The following TBL1Y variants were observed in gnomAD, a reference collection of about 807,000 sequenced individuals.
TBL1Y encodes transducin beta like 1 Y-linked.
In TBL1Y, 15 loss-of-function variants were observed where a neutral mutation model predicts 12.0. The observed-to-expected ratio is 1.25, with a 90% CI of 0.83 to 1.92. The LOEUF is 1.92. Ranked by LOEUF, TBL1Y falls within the 40% of genes most tolerant of loss-of-function variation. The pLI is 0.00. For synonymous variants in TBL1Y, 53 were observed against 42.6 expected (o/e 1.24, Z -0.95); for missense variants, 148 against 116.7 (o/e 1.27, Z -1.24).
chrY:7,050,221 C>T, intron 7 of TBL1Y, among the ~76,000 whole-genome samples: 1 of 32,708 alleles, frequency 3.1e-5, no homozygotes, highest in Non-Finnish European at 7.5e-5. Flanking sequence ...AATAGGCCAG[C>T]GTGGTGGCTC....
intron 8 of TBL1Y, among the ~76,000 whole-genome samples, chrY:7,067,182 A>G (rs2012992075): frequency 6.0e-5 from 2 of 33,299 alleles, no homozygotes; most frequent in East Asian, 1.6e-3. Flanking sequence ...GAATTCTGAT[A>G]TGGAACAGGA....
chrY:6,960,700 T>A, intron 2 of TBL1Y, among the ~76,000 whole-genome samples: 1 of 33,266 alleles, frequency 3.0e-5, no homozygotes, highest in African/African-American at 1.2e-4. Flanking sequence ...AGTTCCAAAT[T>A]TATTGTTTTG....
At chrY:7,078,217 G>A (rs1005328071) in intron 13 of TBL1Y, among the ~76,000 whole-genome samples, 2 of 33,966 alleles carry the variant, frequency 5.9e-5, no homozygotes, top group Admixed American at 2.7e-4. Context: ...TTCTGTATTG[G>A]TCAGTTGTTG....
intron 7 of TBL1Y, among the ~76,000 whole-genome samples, chrY:7,048,272 C>T (rs2012773107): frequency 6.0e-5 from 2 of 33,151 alleles, no homozygotes; most frequent in Non-Finnish European, 1.5e-4. Flanking sequence ...TGTATCTAAA[C>T]GTCAAATAAT....
At chrY:6,921,617 C>T (rs764103664) in intron 2 of TBL1Y, among the ~76,000 whole-genome samples, 11 of 33,382 alleles carry the variant, frequency 3.3e-4, no homozygotes, top group Non-Finnish European at 6.6e-4. Flanking sequence ...TTCAGGAACA[C>T]CTGCTTAGGC....
intron 2 of TBL1Y, among the ~76,000 whole-genome samples, chrY:6,963,646 G>A (rs748856461): frequency 1.5e-4 from 5 of 33,888 alleles, no homozygotes; most frequent in African/African-American, 5.7e-4. Flanking sequence ...ATGTACCCTT[G>A]TAGGAATCTT....
At chrY:7,013,280 T>C in intron 4 of TBL1Y, among the ~76,000 whole-genome samples, 2 of 33,579 alleles carry the variant, frequency 6.0e-5, no homozygotes, top group Admixed American at 5.4e-4. Flanking sequence ...TAGTAGAGAA[T>C]AGGTTACCTT....
At chrY:6,994,210 A>G in intron 3 of TBL1Y, among the ~76,000 whole-genome samples, 1 of 33,614 alleles carries the variant, frequency 3.0e-5, no homozygotes, top group Admixed American at 2.7e-4. Flanking sequence ...AAATCATTGA[A>G]TGATATATTG....
At chrY:7,090,928 C>G (rs2013172008) in intron 18 of TBL1Y, among the ~76,000 whole-genome samples, 3 of 33,696 alleles carry the variant, frequency 8.9e-5, no homozygotes, top group Non-Finnish European at 1.5e-4. Flanking sequence ...ATGAACAGGG[C>G]AGTCCCAGTT....
At chrY:7,037,531 A>T in intron 6 of TBL1Y, among the ~76,000 whole-genome samples, 1 of 32,948 alleles carries the variant, frequency 3.0e-5, no homozygotes, top group Admixed American at 2.8e-4. Context: ...GAATGATTGG[A>T]TATGGAGAGT....
At chrY:7,063,322 G>C in intron 7 of TBL1Y, among the ~76,000 whole-genome samples, 1 of 34,012 alleles carries the variant, frequency 2.9e-5, no homozygotes, top group Admixed American at 2.6e-4. Flanking sequence ...GCGCACACTC[G>C]GACAAGGGAG....
chrY:6,965,732 G>C (rs2012164176), intron 2 of TBL1Y, among the ~76,000 whole-genome samples: 1 of 33,295 alleles, frequency 3.0e-5, no homozygotes, highest in Non-Finnish European at 7.4e-5. Context: ...AAAACTCAGG[G>C]GTAAATGACC....
intron 2 of TBL1Y, among the ~76,000 whole-genome samples, chrY:6,972,645 G>A: frequency 3.0e-5 from 1 of 33,163 alleles, no homozygotes; most frequent in Non-Finnish European, 7.4e-5. Context: ...AGCATGGTGT[G>A]AATCACATGA....
At chrY:7,089,527 A>T (rs2013160232) in intron 17 of TBL1Y, among the ~76,000 whole-genome samples, 1 of 33,358 alleles carries the variant, frequency 3.0e-5, no homozygotes, top group African/African-American at 1.2e-4. Flanking sequence ...GTGGTATCTC[A>T]CACCTGTAAT....
At chrY:6,958,879 T>C (rs556338952) in intron 2 of TBL1Y, among the ~76,000 whole-genome samples, 6 of 34,025 alleles carry the variant, frequency 1.8e-4, no homozygotes, top group East Asian at 7.9e-4. Flanking sequence ...TATACTGAGA[T>C]GTTCAGTTCC....
At position 7,044,046 on chromosome Y, in the gene TBL1Y, A is replaced by G. The variant is rs752851215; in HGVS notation, c.204+921A>G. The stretch of plus-strand genomic sequence containing the variant: ...TTTTTAGATTGTACCACAATAAGCT[A>G]TTGTGCCAGTTTTATACAAATTTTG... On this transcript the variant is annotated intron_variant, in intron 7 of 18. Coordinates refer to ENST00000383032, the MANE Select transcript of TBL1Y (RefSeq NM_033284.2). 2.7e-4 allele frequency among the ~76,000 whole-genome samples: 9 copies of G among 32,839 alleles called. No individual in the cohort carries two copies. In the South Asian group the frequency reaches 5.5e-3, roughly 20 times the overall value. The allele number at this position is 32,839 out of a possible 37,273, so 88.1% of individuals were successfully genotyped here.
rs781733581 is a variant in TBL1Y at position 7,083,546 on chromosome Y, C to T, written c.1078-2352C>T. On this transcript the variant is annotated intron_variant, in intron 14 of 18. Transcript: ENST00000383032. Reference sequence around the variant, plus strand: ...CCCAGTAGTCTGCTCCCAGCACAAACATTCATGCTCACAGGCACTAAGCAC... The same window carrying T: ...CCCAGTAGTCTGCTCCCAGCACAAATATTCATGCTCACAGGCACTAAGCAC... 1.4e-4 allele frequency among the ~76,000 whole-genome samples: 4 copies of T among 29,180 alleles called. No homozygotes were observed. In the East Asian group the frequency reaches 4.0e-3, roughly 29 times the overall value. 78.3% of individuals were successfully genotyped at this position (29,180 alleles called of 37,273 possible).
intron 2 of TBL1Y, among the ~76,000 whole-genome samples, chrY:6,960,340 T>C: frequency 3.0e-5 from 1 of 33,840 alleles, no homozygotes; most frequent in Non-Finnish European, 7.3e-5. Context: ...GCAAAGGAAT[T>C]GTCAGATTGT....
chrY:6,975,849 G>A (rs973118241), intron 2 of TBL1Y, among the ~76,000 whole-genome samples: 6 of 32,381 alleles, frequency 1.9e-4, no homozygotes, highest in Non-Finnish European at 4.5e-4. Flanking sequence ...TTATATCTCC[G>A]TTACTGCTGA....
Sources: gnomAD v4.1 joint callset for allele counts (sites outside exome capture counted in the v4.1 genomes callset) on GRCh38, gnomAD v4.1.1 for gene constraint, MANE v1.5 for transcripts, NCBI Gene and HGNC (gene_info 2026-07-23, HGNC 2026-07-21) for gene names.